VAT1L: variants seen among roughly 807,000 people sequenced by gnomAD.
The protein encoded by VAT1L is putative NADPH-dependent quinone oxidoreductase VAT1L.
A neutral mutation model predicts 44.1 loss-of-function variants in VAT1L; 34 were observed. The observed-to-expected ratio is 0.77, with a 90% CI of 0.59 to 1.03. The LOEUF is 1.03. VAT1L is among the 50% of genes least tolerant of loss of function. VAT1L has a pLI of 0.00. For synonymous variants in VAT1L, 253 were observed against 202.2 expected, an observed-to-expected ratio of 1.25 and a Z score of -2.13; for missense variants, 615 against 538.8, an observed-to-expected ratio of 1.14 and a Z score of -1.40.
At chr16:77,862,915 C>T (rs1275540317) in intron 4 of VAT1L, 25 bp downstream of exon 4, 1 of 1,611,698 alleles carries the variant, frequency 6.2e-7, no homozygotes, top group African/African-American at 1.3e-5. Context: ...TTTGAAAAAG[C>T]ACCAGGCTGG....
chr16:77,846,529 C>T (rs2016759645), intron 3 of VAT1L, among the ~76,000 whole-genome samples: 2 of 152,172 alleles, frequency 1.3e-5, no homozygotes, highest in African/African-American at 4.8e-5. Context: ...AGTCTCTATG[C>T]AAACATTGAG....
At chr16:77,876,034 C>G (rs919426757) in intron 4 of VAT1L, among the ~76,000 whole-genome samples, 1 of 152,178 alleles carries the variant, frequency 6.6e-6, no homozygotes, top group African/African-American at 2.4e-5. Flanking sequence ...ACTAGCTCCA[C>G]TTTACGAAGG....
At chr16:77,931,842 G>T (rs894904750) in intron 7 of VAT1L, among the ~76,000 whole-genome samples, 1 of 152,086 alleles carries the variant, frequency 6.6e-6, no homozygotes, top group Non-Finnish European at 1.5e-5. Flanking sequence ...AAAGTGTTAG[G>T]GGAAAATCAC....
intron 7 of VAT1L, among the ~76,000 whole-genome samples, chr16:77,903,482 A>T (rs191405843): frequency 2.0e-5 from 3 of 152,262 alleles, no homozygotes. Flanking sequence ...TACTAAAAAT[A>T]ATAATAGCAC....
chr16:77,924,814 C>T lies in VAT1L; in HGVS notation c.1077+40012C>T, dbSNP rs79076794. On this transcript the variant is annotated intron_variant, in intron 7 of 8. Transcript: ENST00000302536. The stretch of plus-strand genomic sequence containing the variant: ...CCAGACTCCAAGACCTTCAATTTTT[C>T]CCCCTCTGTCTAGCAGGGTAATGTC... 6.8e-3 allele frequency among the ~76,000 whole-genome samples: 1,038 copies of T among 152,216 alleles called. 5 individuals are homozygous for T. The highest frequency in any genetic ancestry group is 0.019 in the South Asian group (90 of 4,814).
At chr16:77,861,218 C>G (rs9929344) in intron 3 of VAT1L, among the ~76,000 whole-genome samples, 1,659 of 152,290 alleles carry the variant, frequency 0.011, 31 homozygotes, top group African/African-American at 0.038. Context: ...AAATTAACAT[C>G]ACAGATGACG....
At chr16:77,968,274 CAA>C (rs2018244136) in intron 7 of VAT1L, among the ~76,000 whole-genome samples, 2 of 152,014 alleles carry the variant, frequency 1.3e-5, no homozygotes, top group South Asian at 2.1e-4. Context: ...GGGTCTCACA[CAA>C]GAGAGAATTC....
intron 7 of VAT1L, among the ~76,000 whole-genome samples, chr16:77,908,266 CCTGA>C (rs1397935418): frequency 6.7e-6 from 1 of 150,126 alleles, no homozygotes; most frequent in Admixed American, 6.7e-5. Flanking sequence ...TCAAGACCAG[CCTGA>C]CTGACATGGT....
chr16:77,789,703 C>T (rs544464675), intron 1 of VAT1L, among the ~76,000 whole-genome samples: 1 of 152,154 alleles, frequency 6.6e-6, no homozygotes, highest in South Asian at 2.1e-4. Flanking sequence ...GGGGAAAAAA[C>T]CCTGATCAGT....
chr16:77,923,264 C>G (rs1050639599), intron 7 of VAT1L, among the ~76,000 whole-genome samples: 2 of 152,226 alleles, frequency 1.3e-5, no homozygotes, highest in Non-Finnish European at 2.9e-5. Flanking sequence ...TCCTGGTTAA[C>G]ATGGTGAAAC....
chr16:77,964,398 GCCA>G (rs1486042696), intron 7 of VAT1L, among the ~76,000 whole-genome samples: 3 of 152,074 alleles, frequency 2.0e-5, no homozygotes, highest in Non-Finnish European at 4.4e-5. Flanking sequence ...GCTTCCAGAG[GCCA>G]CGTGCGTTTT....
intron 7 of VAT1L, among the ~76,000 whole-genome samples, chr16:77,895,031 T>C (rs765474091): frequency 3.3e-5 from 5 of 151,944 alleles, no homozygotes; most frequent in Non-Finnish European, 5.9e-5. Flanking sequence ...TTTTCCTTCC[T>C]GTGTGACTTC....
chr16:77,889,500 C>T (rs1244771332), intron 7 of VAT1L, among the ~76,000 whole-genome samples: 2 of 152,082 alleles, frequency 1.3e-5, no homozygotes, highest in Admixed American at 1.3e-4. Context: ...TGTGCTAATC[C>T]TCTTTTAGGA....
At chr16:77,965,017 C>T (rs535794454) in intron 7 of VAT1L, among the ~76,000 whole-genome samples, 53 of 151,864 alleles carry the variant, frequency 3.5e-4, no homozygotes, top group African/African-American at 1.3e-3. Flanking sequence ...CTTGAACTCC[C>T]GACCTCAGGT....
rs9931255 is a variant in VAT1L, at chr16:77,891,969, G to A, written c.1077+7167G>A. Among the ~76,000 whole-genome samples, 359 of 152,278 alleles carry A rather than the reference G, an allele frequency of 2.4e-3. 1 individual carries two copies. Among genetic ancestry groups the A allele is most frequent in the African/African-American group, 8.4e-3 (347 of 41,554 alleles). The stretch of plus-strand genomic sequence containing the variant: ...TACCTGTAGTCCCAGCTACTCGGGG[G>A]GCTGAGGCAGGAGAATCACTTGAAC... On this transcript the variant is annotated intron_variant, in intron 7 of 8. Coordinates refer to ENST00000302536, the MANE Select transcript of VAT1L (RefSeq NM_020927.3).
chr16:77,873,116 G>C (rs1489736513), intron 4 of VAT1L, among the ~76,000 whole-genome samples: 1 of 152,208 alleles, frequency 6.6e-6, no homozygotes, highest in Non-Finnish European at 1.5e-5. Context: ...GCTTCTCAGA[G>C]CTGCTTGCTA....
intron 6 of VAT1L, among the ~76,000 whole-genome samples, chr16:77,880,852 GT>G (rs1317938836): frequency 6.6e-6 from 1 of 151,888 alleles, no homozygotes; most frequent in East Asian, 1.9e-4. Flanking sequence ...TGCAGTATTT[GT>G]TTTTATGTTT....
intron 7 of VAT1L, among the ~76,000 whole-genome samples, chr16:77,965,664 G>A (rs1416333712): frequency 6.6e-6 from 1 of 152,172 alleles, no homozygotes; most frequent in African/African-American, 2.4e-5. Context: ...CCATGGTCCT[G>A]ATTATGAACA....
rs61384891 is a variant in VAT1L, at chr16:77,794,556, C to T, written c.233+5641C>T. Among the ~76,000 whole-genome samples the T allele has an allele frequency of 4.7e-3, 716 of 152,322 alleles. 6 individuals carry two copies. The highest frequency in any genetic ancestry group is 0.016 in the African/African-American group (681 of 41,562). ...TATAAGTTATCCCCAAACAACAGAG[C>T]ATTAAACTGTCACCAGTAAGGTTGA... On this transcript the variant is annotated intron_variant, in intron 1 of 8. Transcript: ENST00000302536.
Sources: gnomAD v4.1 joint callset for allele counts (sites outside exome capture counted in the v4.1 genomes callset) on GRCh38, gnomAD v4.1.1 for gene constraint, MANE v1.5 for transcripts, NCBI Gene and HGNC (gene_info 2026-07-23, HGNC 2026-07-21) for gene names.